The following MGST1 variants were observed in gnomAD, a reference collection of about 807,000 sequenced individuals.
MGST1 encodes the protein microsomal glutathione S-transferase 1.
In MGST1, 5 loss-of-function variants were observed where a neutral mutation model predicts 8.9. That is an observed-to-expected ratio of 0.56 (90% CI 0.29 to 1.19). The LOEUF is 1.19. Ranked by LOEUF, MGST1 falls within the 50% of genes most tolerant of loss-of-function variation. MGST1 has a pLI of 0.08. For synonymous variants in MGST1, 54 were observed against 67.8 expected (o/e 0.80, Z 1.00); for missense variants, 182 against 187.4 (o/e 0.97, Z 0.17).
chr12:16,543,374 G>A (rs1941803432), intron 4 of MGST1, among the ~76,000 whole-genome samples: 1 of 151,906 alleles, frequency 6.6e-6, no homozygotes, highest in African/African-American at 2.4e-5. Flanking sequence ...TCAATTTACT[G>A]TCCTCTTTGA....
Position 16,482,459 on chromosome 12 carries a change from C to T in MGST1, n.482+98855C>T, listed in dbSNP as rs903940119. 2.6e-5 allele frequency among the ~76,000 whole-genome samples: 4 copies of T among 151,976 alleles called. No homozygotes were observed. The highest frequency in any genetic ancestry group is 5.9e-5 in the Non-Finnish European group (4 of 68,000). On this transcript the variant is annotated intron_variant and non_coding_transcript_variant, in intron 4 of 4. Coordinates refer to the MGST1 transcript ENST00000538857. This position sits in a 1 kb window ranked among gnomAD's most constrained non-coding sequence, Gnocchi z 4.2. ...CAGCCTGGCCAAGAGGGTGAAACACCGTCTCTACTAAAAATACAAAAATTA... is the reference window on the plus strand; with the variant it reads ...CAGCCTGGCCAAGAGGGTGAAACACTGTCTCTACTAAAAATACAAAAATTA...
intron 4 of MGST1, among the ~76,000 whole-genome samples, chr12:16,456,576 G>C (rs895692743): frequency 4.0e-5 from 6 of 151,880 alleles, no homozygotes; most frequent in African/African-American, 1.4e-4. Context: ...AACATCAGTA[G>C]TTATTTCTAC....
rs545303700 is a variant in MGST1 at position 16,426,705 on chromosome 12, G to A, written n.779-10683G>A. The stretch of plus-strand genomic sequence containing the variant: ...CGTGGCTCACGCCTGTAATCCCAGC[G>A]CTTTGGGAGGCCGAGGCGGGCGGAT... On this transcript the variant is annotated intron_variant and non_coding_transcript_variant, in intron 1 of 1. Transcript: ENST00000359720. Among the ~76,000 whole-genome samples the A allele has an allele frequency of 3.7e-4, 57 of 152,076 alleles. 1 individual carries two copies. The highest frequency in any genetic ancestry group is 3.4e-3 in the Middle Eastern group (1 of 294).
At chr12:16,349,365 G>A (rs1250622773) in intron 1 of MGST1, among the ~76,000 whole-genome samples, 4 of 152,036 alleles carry the variant, frequency 2.6e-5, no homozygotes, top group Admixed American at 6.6e-5. Context: ...TAGATAGTAC[G>A]GGGGTTTGGG....
chr12:16,509,855 C>T (rs1269579666), intron 4 of MGST1, among the ~76,000 whole-genome samples: 1 of 152,144 alleles, frequency 6.6e-6, no homozygotes, highest in African/African-American at 2.4e-5. Flanking sequence ...TGATTCAGAG[C>T]TTTGTGCCCA....
intron 1 of MGST1, among the ~76,000 whole-genome samples, chr12:16,390,684 A>G (rs1296201587): frequency 6.6e-6 from 1 of 152,106 alleles, no homozygotes; most frequent in Non-Finnish European, 1.5e-5. Flanking sequence ...GTGTATATGT[A>G]CACATTTTCT....
chr12:16,535,685 G>A lies in MGST1; in HGVS notation n.483-53843G>A, dbSNP rs886114569. Among the ~76,000 whole-genome samples, 4 of 152,248 alleles carry A rather than the reference G, an allele frequency of 2.6e-5. No homozygotes were observed. In the South Asian group the frequency reaches 6.2e-4, roughly 24 times the overall value. The stretch of plus-strand genomic sequence containing the variant: ...ATATAAAGCAGCAACAATATAAATC[G>A]TGGTCCTCATTAGCAATGGCTCTTA... On this transcript the variant is annotated intron_variant and non_coding_transcript_variant, in intron 4 of 4. Transcript: ENST00000538857.
At chr12:16,554,091 G>A (rs570059359) in intron 4 of MGST1, among the ~76,000 whole-genome samples, 6 of 152,194 alleles carry the variant, frequency 3.9e-5, no homozygotes, top group Middle Eastern at 3.4e-3. Context: ...TGATGTTTTG[G>A]AATTAATATG....
At chr12:16,501,119 GAAA>G (rs1941503666) in intron 4 of MGST1, among the ~76,000 whole-genome samples, 1 of 124,338 alleles carries the variant, frequency 8.0e-6, no homozygotes, top group Non-Finnish European at 1.8e-5. Context: ...AAAAAAAAAA[GAAA>G]GAAAGAGTAC....
chr12:16,395,804 T>TACACACACACAC (rs61693803), intron 1 of MGST1, among the ~76,000 whole-genome samples: 2 of 123,752 alleles, frequency 1.6e-5, no homozygotes. Context: ...TATATATATA[T>TACACACACACAC]ACACACACAC....
At chr12:16,528,463 T>C (rs550887790) in intron 4 of MGST1, among the ~76,000 whole-genome samples, 1 of 152,112 alleles carries the variant, frequency 6.6e-6, no homozygotes, top group African/African-American at 2.4e-5. Flanking sequence ...AAGAGAAATA[T>C]CCAATATTTA....
At chr12:16,457,342 T>C (rs556214057) in intron 4 of MGST1, among the ~76,000 whole-genome samples, 6 of 152,036 alleles carry the variant, frequency 3.9e-5, no homozygotes, top group Non-Finnish European at 5.9e-5. Flanking sequence ...GTGCTCTAAA[T>C]TGTCGTATTA....
intron 1 of MGST1, among the ~76,000 whole-genome samples, chr12:16,412,960 C>G (rs1940755043): frequency 6.6e-6 from 1 of 152,026 alleles, no homozygotes; most frequent in Non-Finnish European, 1.5e-5. Context: ...GCTCTTGATT[C>G]AAGAAGGACT....
intron 4 of MGST1, among the ~76,000 whole-genome samples, chr12:16,508,883 T>C (rs918951421): frequency 6.6e-6 from 1 of 152,188 alleles, no homozygotes; most frequent in African/African-American, 2.4e-5. Flanking sequence ...ATTAGAATGA[T>C]ATTAAGTTTA....
chr12:16,569,522 G>C lies in MGST1; in HGVS notation n.483-20006G>C, dbSNP rs1181182840. Among the ~76,000 whole-genome samples the C allele has an allele frequency of 1.4e-4, 21 of 152,144 alleles. 1 individual carries two copies. ...ATTTTCCAAAGCCTTACGAGCAGGT[G>C]TTACTGCTATTTATGATCAGCACAG... On this transcript the variant is annotated intron_variant and non_coding_transcript_variant, in intron 4 of 4. Coordinates refer to the MGST1 transcript ENST00000538857.
intron 4 of MGST1, among the ~76,000 whole-genome samples, chr12:16,511,988 T>A (rs1375715017): frequency 6.6e-6 from 1 of 152,226 alleles, no homozygotes; most frequent in Non-Finnish European, 1.5e-5. Context: ...AGTGTTTATG[T>A]CAGTCTATAT....
At chr12:16,508,826 C>A (rs1251897545) in intron 4 of MGST1, among the ~76,000 whole-genome samples, 2 of 152,122 alleles carry the variant, frequency 1.3e-5, no homozygotes, top group African/African-American at 4.8e-5. Context: ...CAGTTGCTTG[C>A]CTGTGTTCTA....
At chr12:16,540,071 C>T (rs1013106398) in intron 4 of MGST1, among the ~76,000 whole-genome samples, 1 of 152,182 alleles carries the variant, frequency 6.6e-6, no homozygotes, top group South Asian at 2.1e-4. Flanking sequence ...ATAGCTGACA[C>T]TCTTAAAGTT....
downstream of MGST1, among the ~76,000 whole-genome samples, chr12:16,441,943 G>A (rs758776379): frequency 1.9e-4 from 29 of 151,684 alleles, 1 homozygote; most frequent in Admixed American, 8.6e-4. Flanking sequence ...TTGCATCTCC[G>A]TCAGCAATGC....
Sources: gnomAD v4.1 joint callset for allele counts (sites outside exome capture counted in the v4.1 genomes callset) on GRCh38, gnomAD v4.1.1 for gene constraint, Gnocchi (gnomAD v3.1) non-coding constraint, MANE v1.5 for transcripts, NCBI Gene and HGNC (gene_info 2026-07-23, HGNC 2026-07-21) for gene names.